FUT8: variants seen among roughly 807,000 people sequenced by gnomAD.
FUT8 encodes alpha-(1,6)-fucosyltransferase.
A neutral mutation model predicts 71.3 loss-of-function variants in FUT8; 29 were observed. The observed-to-expected ratio is 0.41, with a 90% CI of 0.30 to 0.55. The LOEUF (loss-of-function observed/expected upper bound fraction) is 0.55. FUT8 is among the 20% of genes least tolerant of loss of function. FUT8 has a pLI of 0.34. For synonymous variants in FUT8, 254 were observed against 239.3 expected (o/e 1.06, Z -0.57); for missense variants, 544 against 702.1 (o/e 0.77, Z 2.55).
rs528806519 is a variant in FUT8, at chr14:65,733,949, TG to T, written c.1410+571del. Among the ~76,000 whole-genome samples the T allele has an allele frequency of 3.5e-3, 535 of 152,328 alleles. 2 individuals carry two copies. Among genetic ancestry groups the T allele is most frequent in the African/African-American group, 0.012 (508 of 41,576 alleles). On this transcript the variant is annotated intron_variant, in intron 10 of 10. Coordinates refer to ENST00000673929, the MANE Select transcript of FUT8 (RefSeq NM_001371533.1). The stretch of plus-strand genomic sequence containing the variant: ...AATTGTTGCAGATGATTATATTTTA[TG>T]GGTTTGGTGTATGTGTTTTTATGAG...
chr14:65,652,687 CA>C lies in FUT8; in HGVS notation c.598-16554del, dbSNP rs1329267862. Among the ~76,000 whole-genome samples the C allele has an allele frequency of 6.6e-6, 1 of 151,760 alleles. No individual in the cohort carries two copies. The highest frequency in any genetic ancestry group is 1.5e-5 in the Non-Finnish European group (1 of 67,976). On this transcript the variant is annotated intron_variant, in intron 6 of 10. Transcript: ENST00000673929. This position sits in a 1 kb window ranked among gnomAD's most constrained non-coding sequence, Gnocchi z 4.0. ...ACCAAAAGCAGTCTTAACTGATGCA[CA>C]AGCCAGGTGCCTGACACAATGGGGG...
chr14:65,373,353 T>C, the FUT8 span, among the ~76,000 whole-genome samples: 1 of 150,842 alleles, frequency 6.6e-6, no homozygotes, highest in African/African-American at 2.4e-5. Context: ...AACCCCAGGC[T>C]CCACAAGCAG....
chr14:65,401,872 G>A, the FUT8 span, among the ~76,000 whole-genome samples: 1 of 144,746 alleles, frequency 6.9e-6, no homozygotes, highest in Non-Finnish European at 1.5e-5. Context: ...CCTCCAGCCT[G>A]GGTGACAGAG....
At chr14:65,580,600 A>T (rs1469766687) in intron 3 of FUT8, among the ~76,000 whole-genome samples, 1 of 151,936 alleles carries the variant, frequency 6.6e-6, no homozygotes, top group Non-Finnish European at 1.5e-5. Flanking sequence ...TTATTATTTG[A>T]TTGTTTTTGA....
intron 7 of FUT8, among the ~76,000 whole-genome samples, chr14:65,701,711 C>T (rs1894303887): frequency 6.6e-6 from 1 of 152,126 alleles, no homozygotes; most frequent in Non-Finnish European, 1.5e-5. Context: ...CCACTAATTG[C>T]TTTATATGGC....
At chr14:65,572,493 C>T (rs1886534733) in intron 3 of FUT8, among the ~76,000 whole-genome samples, 1 of 152,126 alleles carries the variant, frequency 6.6e-6, no homozygotes, top group Non-Finnish European at 1.5e-5. Flanking sequence ...CTTCATATTC[C>T]ACATTCTTAA....
intron 2 of FUT8, among the ~76,000 whole-genome samples, chr14:65,513,988 A>G (rs931147198): frequency 1.3e-5 from 2 of 152,228 alleles, no homozygotes; most frequent in African/African-American, 4.8e-5. Context: ...TTTTAGCATT[A>G]AAATGAGGTG....
At chr14:65,424,144 A>G (rs1487352185) in intron 1 of FUT8, among the ~76,000 whole-genome samples, 1 of 152,224 alleles carries the variant, frequency 6.6e-6, no homozygotes, top group African/African-American at 2.4e-5. Context: ...GCGAGAGATC[A>G]CTTTTTACTG....
intron 1 of FUT8, among the ~76,000 whole-genome samples, chr14:65,450,284 C>T (rs543701326): frequency 1.3e-5 from 2 of 152,222 alleles, no homozygotes; most frequent in Non-Finnish European, 2.9e-5. Context: ...TTCCTAGCCT[C>T]TTTATTTTAT....
At chr14:65,382,449 GC>G in the FUT8 span, among the ~76,000 whole-genome samples, 458 of 152,276 alleles carry the variant, frequency 3.0e-3, 3 homozygotes, top group African/African-American at 0.011. Flanking sequence ...TGATTCTCAT[GC>G]CTCAGCCTCC....
chr14:65,435,721 A>G (rs961401160), intron 1 of FUT8, among the ~76,000 whole-genome samples: 1 of 151,642 alleles, frequency 6.6e-6, no homozygotes, highest in African/African-American at 2.4e-5. Flanking sequence ...TTGCATTTCC[A>G]CCAACGATGT....
chr14:65,741,593 A>C (rs1352718280), intron 10 of FUT8, among the ~76,000 whole-genome samples: 1 of 152,026 alleles, frequency 6.6e-6, no homozygotes, highest in Non-Finnish European at 1.5e-5. Flanking sequence ...CAGTTCTGAC[A>C]CCAAGTTATA....
rs1648790723 is a variant in FUT8 at position 65,472,048 on chromosome 14, C to T, written c.-228+16330C>T. On this transcript the variant is annotated intron_variant, in intron 2 of 10. Coordinates refer to ENST00000673929, the MANE Select transcript of FUT8 (RefSeq NM_001371533.1). This position sits in a 1 kb window ranked among gnomAD's most constrained non-coding sequence, Gnocchi z 4.4. ...TTCTTATTATTGATGAATTGACTGCCTTGTCTTGTTTTGTGTTGCTATGTA... is the reference window on the plus strand; with the variant it reads ...TTCTTATTATTGATGAATTGACTGCTTTGTCTTGTTTTGTGTTGCTATGTA... 6.6e-6 allele frequency among the ~76,000 whole-genome samples: 1 copy of T among 152,054 alleles called. No individual in the cohort carries two copies. Among genetic ancestry groups the T allele is most frequent in the Non-Finnish European group, 1.5e-5 (1 of 68,018 alleles).
intron 7 of FUT8, among the ~76,000 whole-genome samples, chr14:65,717,341 C>T (rs1262582601): frequency 1.4e-5 from 2 of 144,030 alleles, no homozygotes; most frequent in Non-Finnish European, 3.0e-5. Context: ...GACAGGGCAG[C>T]CGGGCAGAGA....
intron 7 of FUT8, among the ~76,000 whole-genome samples, chr14:65,682,643 G>A (rs1893093165): frequency 6.6e-6 from 1 of 152,166 alleles, no homozygotes; most frequent in African/African-American, 2.4e-5. Context: ...CTGCACACCC[G>A]GAGTACTTGG....
At chr14:65,370,810 G>C in the FUT8 span, among the ~76,000 whole-genome samples, 27 of 152,264 alleles carry the variant, frequency 1.8e-4, no homozygotes, top group Non-Finnish European at 2.4e-4. Flanking sequence ...TGCAGCATGC[G>C]ATAGAAACTC....
intron 2 of FUT8, among the ~76,000 whole-genome samples, chr14:65,548,190 A>T (rs1484906290): frequency 6.6e-6 from 1 of 151,980 alleles, no homozygotes; most frequent in East Asian, 1.9e-4. Flanking sequence ...ATCATTTAGA[A>T]TAGTTTCATC....
chr14:65,362,734 G>A, the FUT8 span, among the ~76,000 whole-genome samples: 4 of 151,654 alleles, frequency 2.6e-5, no homozygotes, highest in South Asian at 2.1e-4. Context: ...AGGCTGAGGC[G>A]GGTGAATCAC....
At chr14:65,452,033 G>C (rs1447621437) in intron 1 of FUT8, among the ~76,000 whole-genome samples, 2 of 152,108 alleles carry the variant, frequency 1.3e-5, no homozygotes, top group African/African-American at 4.8e-5. Context: ...GAATTTCTCT[G>C]TCCCCCGTTC....
Sources: gnomAD v4.1 joint callset for allele counts (sites outside exome capture counted in the v4.1 genomes callset) on GRCh38, gnomAD v4.1.1 for gene constraint, Gnocchi (gnomAD v3.1) non-coding constraint, MANE v1.5 for transcripts, NCBI Gene and HGNC (gene_info 2026-07-23, HGNC 2026-07-21) for gene names.